Variants in UBR3 observed in about 807,000 individuals in gnomAD.
UBR3 encodes E3 ubiquitin-protein ligase UBR3.
Under a neutral mutation model 243.2 loss-of-function variants are expected in UBR3, and 85 were observed. That is an observed-to-expected ratio of 0.35 (90% confidence interval 0.29 to 0.42). UBR3 has a LOEUF of 0.42. UBR3 is among the 10% of genes least tolerant of loss of function. The pLI is 1.00. For synonymous variants in UBR3, 748 were observed against 799.8 expected (o/e 0.94, Z 1.09); for missense variants, 1,686 against 2,300.8 (o/e 0.73, Z 5.47).
intron 1 of UBR3, among the ~76,000 whole-genome samples, chr2:169,868,342 A>G (rs1005167072): frequency 5.3e-5 from 8 of 152,006 alleles, no homozygotes; most frequent in Non-Finnish European, 1.0e-4. Context: ...ACTTTTTTTA[A>G]ATTTTTTATT....
At chr2:170,046,285 T>C (rs1039395185) in intron 32 of UBR3, among the ~76,000 whole-genome samples, 11 of 152,172 alleles carry the variant, frequency 7.2e-5, no homozygotes, top group African/African-American at 2.4e-4. Flanking sequence ...TTTTAAATAT[T>C]ATTTGGTTTA....
At chr2:169,906,989 A>G (rs17625172) in intron 10 of UBR3, among the ~76,000 whole-genome samples, 8,594 of 150,880 alleles carry the variant, frequency 0.057, 295 homozygotes, top group Non-Finnish European at 0.084. Flanking sequence ...CTCTAAATGC[A>G]GATGACTTAC....
intron 36 of UBR3, chr2:170,077,986 A>C: frequency 1.6e-6 from 1 of 636,968 alleles, no homozygotes. Flanking sequence ...TTTCGGCTTA[A>C]TCATACTGGG....
At chr2:170,002,908 C>CA (rs767358749) in intron 27 of UBR3, among the ~76,000 whole-genome samples, 2 of 152,064 alleles carry the variant, frequency 1.3e-5, no homozygotes, top group Non-Finnish European at 2.9e-5. Flanking sequence ...GGATGGAGTG[C>CA]AGTGGCTCGA....
intron 18 of UBR3, among the ~76,000 whole-genome samples, chr2:169,932,072 A>T (rs957671159): frequency 1.5e-5 from 2 of 131,604 alleles, no homozygotes; most frequent in African/African-American, 5.7e-5. Flanking sequence ...TCAATAGCTC[A>T]TTAATTTTTT....
At position 169,836,029 on chromosome 2, in the gene UBR3, CTCTCTCTCTCTCTCTATATA is replaced by C. The variant is rs1191040421; in HGVS notation, c.545+7979_545+7998del. ...TCTCTCTCTCTCTCTCTCTCTCTCT[CTCTCTCTCTCTCTCTATATA>C]TATATATATATATATATATTTTTTT... On this transcript the variant is annotated intron_variant, in intron 1 of 38. Transcript: ENST00000272793. Among the ~76,000 whole-genome samples the C allele has an allele frequency of 4.9e-3, 132 of 26,732 alleles. 4 individuals are homozygous for C. The highest frequency in any genetic ancestry group is 8.4e-3 in the Non-Finnish European group (113 of 13,478). The allele number at this position is 26,732 out of a possible 152,430, so 17.5% of individuals were successfully genotyped here. A position where few individuals can be genotyped will look rare whatever the true frequency, so the allele number is the denominator to read the frequency against.
At chr2:169,869,941 T>C (rs1030534192) in intron 1 of UBR3, among the ~76,000 whole-genome samples, 4 of 152,144 alleles carry the variant, frequency 2.6e-5, no homozygotes, top group Non-Finnish European at 1.5e-5. Flanking sequence ...GTAAATATTT[T>C]TTCCAGTTTG....
chr2:169,915,059 C>A (rs1468411654), intron 11 of UBR3, among the ~76,000 whole-genome samples: 1 of 152,094 alleles, frequency 6.6e-6, no homozygotes, highest in Non-Finnish European at 1.5e-5. Context: ...CAGAATGCAA[C>A]TATAAAAATC....
At chr2:169,844,353 T>C (rs1028462419) in intron 1 of UBR3, among the ~76,000 whole-genome samples, 2 of 152,212 alleles carry the variant, frequency 1.3e-5, no homozygotes, top group African/African-American at 4.8e-5. Flanking sequence ...TTTTTTTCTT[T>C]ATGTGAGCTT....
intron 6 of UBR3, among the ~76,000 whole-genome samples, chr2:169,892,333 G>C (rs2084408443): frequency 6.6e-6 from 1 of 152,166 alleles, no homozygotes; most frequent in African/African-American, 2.4e-5. Flanking sequence ...TGACACATCT[G>C]AGTTGGAGAT....
rs545754834 is a variant in UBR3, at chr2:169,900,413, T to C, written c.1465+3678T>C. Among the ~76,000 whole-genome samples, 3 of 152,326 alleles carry C rather than the reference T, an allele frequency of 2.0e-5. No individual in the cohort carries two copies. In the South Asian group the frequency reaches 6.2e-4, roughly 32 times the overall value. On this transcript the variant is annotated intron_variant, in intron 8 of 38. Transcript: ENST00000272793. ...ATTAGCCCTTTGTCAGATGGATAGA[T>C]TGCAAAAATGTTCTCCCATTCTGTA...
Position 169,827,722 on chromosome 2 carries a change from AGGACGCGGCGGCGGCCGGAGGCGG to A in UBR3, c.218_241del (p.Asp73_Gly80del), listed in dbSNP as rs1158406901. On this transcript the variant is annotated inframe_deletion, in exon 1 of 39. Coordinates refer to ENST00000272793, the MANE Select transcript of UBR3 (RefSeq NM_172070.4). ...CCGCTGGCCGCGGCTGCCGGCGGCG[AGGACGCGGCGGCGGCCGGAGGCGG>A]GGGCGGTCCGGGGGCGGCCGAGGAG... is the stretch of plus-strand genomic sequence containing the variant. 1.4e-5 allele frequency: 17 copies of A among 1,232,252 alleles called. 1 individual carries two copies. In the African/African-American group the frequency reaches 1.7e-4, roughly 13 times the overall value. 76.3% of individuals were successfully genotyped at this position (1,232,252 alleles called of 1,614,324 possible). A position where few individuals can be genotyped will look rare whatever the true frequency, so the allele number is the denominator to read the frequency against.
At chr2:169,871,311 AGCCAGACATAGTGGCACATGCCTGAGGCT>A (rs1574087621) in intron 1 of UBR3, among the ~76,000 whole-genome samples, 1 of 152,122 alleles carries the variant, frequency 6.6e-6, no homozygotes, top group East Asian at 1.9e-4. Context: ...TAAAAAAATT[AGCCAGACATAGTGGCACATGCCTGAGGCT>A]GAGGTGGGAG....
At chr2:170,018,498 A>T (rs1296580129) in intron 30 of UBR3, among the ~76,000 whole-genome samples, 1 of 152,146 alleles carries the variant, frequency 6.6e-6, no homozygotes, top group Non-Finnish European at 1.5e-5. Flanking sequence ...AGCACATGAT[A>T]CTGGTTCTAG....
chr2:169,850,099 A>G (rs1163253688), intron 1 of UBR3, among the ~76,000 whole-genome samples: 2 of 149,666 alleles, frequency 1.3e-5, no homozygotes, highest in Non-Finnish European at 3.0e-5. Context: ...TTCACAGTGG[A>G]CACACTTTGG....
At chr2:169,947,105 G>A (rs182577525) in intron 21 of UBR3, among the ~76,000 whole-genome samples, 44 of 152,122 alleles carry the variant, frequency 2.9e-4, no homozygotes, top group Middle Eastern at 6.8e-3. Flanking sequence ...TGTAGTCCAA[G>A]TTGAATCAAC....
At chr2:169,933,394 C>A (rs750828095) in intron 19 of UBR3, among the ~76,000 whole-genome samples, 75 of 152,148 alleles carry the variant, frequency 4.9e-4, no homozygotes, top group Non-Finnish European at 2.9e-5. Flanking sequence ...GAACATATTT[C>A]TGTGTTCATG....
intron 1 of UBR3, among the ~76,000 whole-genome samples, chr2:169,851,725 T>A (rs190520091): frequency 6.6e-6 from 1 of 150,654 alleles, no homozygotes; most frequent in Non-Finnish European, 1.5e-5. Context: ...CTAGTACTAG[T>A]GACTCAGGAG....
Position 169,870,763 on chromosome 2 carries a change from C to T in UBR3, c.546-1473C>T, listed in dbSNP as rs201972410. On this transcript the variant is annotated intron_variant, in intron 1 of 38. Coordinates refer to ENST00000272793, the MANE Select transcript of UBR3 (RefSeq NM_172070.4). ...CCGCCTCCCAGGTTCAAGCGATTCTCCTGCCTCAGCCTCCCAAGTAGCTGG... is the reference window on the plus strand; with the variant it reads ...CCGCCTCCCAGGTTCAAGCGATTCTTCTGCCTCAGCCTCCCAAGTAGCTGG... 1.8e-4 allele frequency among the ~76,000 whole-genome samples: 27 copies of T among 151,544 alleles called. No homozygotes were observed. In the East Asian group the frequency reaches 4.9e-3, roughly 28 times the overall value.
Sources: allele counts gnomAD v4.1 joint callset (sites outside exome capture counted in the v4.1 genomes callset), GRCh38; gene constraint gnomAD v4.1.1; transcripts MANE v1.5; gene names NCBI Gene and HGNC (gene_info 2026-07-23, HGNC 2026-07-21).